SACS: variants seen among roughly 807,000 people sequenced by gnomAD.
SACS encodes sacsin molecular chaperone.
A neutral mutation model predicts 348.0 loss-of-function variants in SACS; 197 were observed. The ratio of observed to expected loss-of-function variants is 0.57; its 90% CI spans 0.50 to 0.64. SACS has a LOEUF of 0.64. SACS is among the 30% of genes least tolerant of loss of function. The pLI is 0.00. For synonymous variants in SACS, 1,985 were observed against 1,910.6 expected (o/e 1.04, Z -1.02); for missense variants, 4,999 against 5,360.8 (o/e 0.93, Z 2.11).
At chr13:23,412,357 TCACATGTGATGTGCC>T in intron 1 of SACS, among the ~76,000 whole-genome samples, 1 of 151,954 alleles carries the variant, frequency 6.6e-6, no homozygotes, top group Admixed American at 6.5e-5. Context: ...TGTGCTTCAC[TCACATGTGATGTGCC>T]TTTTTTCAGG....
In SACS at chr13:23,338,357, C is replaced by T. The variant is rs766776875; in HGVS notation, c.5519G>A (p.Arg1840Lys). Reference sequence around the variant, plus strand: ...TGCCCCACATGGAACCAGTCCTAGTCTTCTTCCACTCTCACTCAGGGAAAA... The same window carrying T: ...TGCCCCACATGGAACCAGTCCTAGTTTTCTTCCACTCTCACTCAGGGAAAA... Reference protein sequence around the residue: ...LKFSLSESGRRLGLVPCGAVG... With the variant: ...LKFSLSESGRKLGLVPCGAVG... The change falls in exon 10 of 10, where the codon AGA (arginine) becomes AAA (lysine). Residue 1840 changes from arginine (R) to lysine (K), a missense_variant. Coordinates refer to ENST00000382292, the MANE Select transcript of SACS (RefSeq NM_014363.6). 2 of 1,614,146 alleles carry T rather than the reference C, an allele frequency of 1.2e-6. No individual in the cohort carries two copies. The highest frequency in any genetic ancestry group is 8.5e-7 in the Non-Finnish European group (1 of 1,180,000).
At chr13:23,429,548 A>G (rs1874347554) in intron 1 of SACS, among the ~76,000 whole-genome samples, 1 of 151,680 alleles carries the variant, frequency 6.6e-6, no homozygotes, top group African/African-American at 2.4e-5. Context: ...TATTTTTAGT[A>G]GAGACGGGGT....
At chr13:23,352,530 T>C (rs960228016) in intron 9 of SACS, among the ~76,000 whole-genome samples, 22 of 152,210 alleles carry the variant, frequency 1.4e-4, no homozygotes, top group African/African-American at 4.6e-4. Context: ...TAGGTTTACA[T>C]GGGTATGTTC....
chr13:23,373,969 C>A, intron 3 of SACS: 1 of 152,422 alleles, frequency 6.6e-6, no homozygotes, highest in South Asian at 2.0e-4. Context: ...CCAGTCATGC[C>A]CCTCCACTGC....
At chr13:23,363,989 A>T (rs1870908647) in intron 6 of SACS, among the ~76,000 whole-genome samples, 1 of 152,128 alleles carries the variant, frequency 6.6e-6, no homozygotes, top group Non-Finnish European at 1.5e-5. Context: ...TATAAAAATG[A>T]TCTGACCTCT....
chr13:23,341,211 A>C lies in SACS; in HGVS notation c.2665T>G (p.Cys889Gly). 6.2e-7 allele frequency: 1 copy of C among 1,613,956 alleles called. No individual in the cohort carries two copies. The highest frequency in any genetic ancestry group is 8.5e-7 in the Non-Finnish European group (1 of 1,180,036). Reference protein sequence around the residue: ...IMEKMPLQKLCNQITSLLPTH... With the variant: ...IMEKMPLQKLGNQITSLLPTH... ...GGAAGTAGCGAAGTTATTTGATTAC[A>C]CAATTTCTGCAATGGCATCTTCTCC... The change falls in exon 10 of 10, where the codon TGT becomes GGT. Residue 889 changes from cysteine to glycine, a missense_variant. Physicochemically the swap from Cys to Gly is radical, Grantham distance 159. This residue lies in a region of SACS where 3,156 missense variants were observed against 3,380.1 expected (regional missense o/e 0.93). Transcript: ENST00000382292.
intron 6 of SACS, among the ~76,000 whole-genome samples, chr13:23,361,788 GAA>G (rs111262553): frequency 5.0e-5 from 7 of 140,126 alleles, no homozygotes; most frequent in African/African-American, 1.5e-4. Context: ...GAAAAAGAAG[GAA>G]AAAAAAAAAA....
intron 1 of SACS, among the ~76,000 whole-genome samples, chr13:23,430,221 TAATA>T (rs966738003): frequency 1.3e-5 from 2 of 151,658 alleles, no homozygotes; most frequent in Non-Finnish European, 2.9e-5. Context: ...AAAAAAAAAT[TAATA>T]AATAAAACTA....
At chr13:23,425,541 T>G (rs923714153) in intron 1 of SACS, among the ~76,000 whole-genome samples, 15 of 152,140 alleles carry the variant, frequency 9.9e-5, no homozygotes, top group African/African-American at 3.4e-4. Context: ...AGGCCTTATG[T>G]CCATGGTGGT....
chr13:23,382,687 G>T (rs918614939), intron 2 of SACS, among the ~76,000 whole-genome samples: 1 of 151,808 alleles, frequency 6.6e-6, no homozygotes, highest in Admixed American at 6.6e-5. Flanking sequence ...AACTATAATG[G>T]CTAAGTAATT....
At chr13:23,433,586 T>G (rs1427485308) in intron 1 of SACS, 29 bp downstream of exon 1, 1 of 152,464 alleles carries the variant, frequency 6.6e-6, no homozygotes. Context: ...CTGCCCTCGC[T>G]GGCCACCCAG....
chr13:23,391,768 C>T (rs1275707943), intron 2 of SACS, among the ~76,000 whole-genome samples: 5 of 151,766 alleles, frequency 3.3e-5, no homozygotes, highest in African/African-American at 1.2e-4. Context: ...ACAGTATGAT[C>T]GCCTATTCCA....
At position 23,375,200 on chromosome 13, in the gene SACS, G is replaced by A; in HGVS notation, c.90C>T (p.Thr30=). The change falls in exon 3 of 10, where the codon ACC becomes ACT. Residue 30 remains threonine (T), a synonymous_variant. Coordinates refer to ENST00000382292, the MANE Select transcript of SACS (RefSeq NM_014363.6). ...CRTVAALASW[T]VRDVKERIFA... Reference sequence around the variant, plus strand: ...AGATACGTTCCTTCACATCGCGCACGGTCCAGGACGCCAGCGCCGCGACGG... The same window carrying A: ...AGATACGTTCCTTCACATCGCGCACAGTCCAGGACGCCAGCGCCGCGACGG... The A allele has an allele frequency of 3.3e-6, 5 of 1,500,352 alleles. No homozygotes were observed. The highest frequency in any genetic ancestry group is 4.4e-6 in the Non-Finnish European group (5 of 1,124,394). The allele number at this position is 1,500,352 out of a possible 1,614,324, so 92.9% of individuals were successfully genotyped here. A position where few individuals can be genotyped will look rare whatever the true frequency, so the allele number is the denominator to read the frequency against.
At chr13:23,413,481 T>TCCAA (rs1297053226) in intron 1 of SACS, among the ~76,000 whole-genome samples, 1 of 152,132 alleles carries the variant, frequency 6.6e-6, no homozygotes, top group Non-Finnish European at 1.5e-5. Flanking sequence ...TTTCAGCCCA[T>TCCAA]CCAACCAGGA....
chr13:23,365,172 A>T lies in SACS; in HGVS notation c.451T>A (p.Tyr151Asn). Reference protein sequence around the residue: ...ETLWSKDMAPYQGPALYVYNN... With the variant: ...ETLWSKDMAPNQGPALYVYNN... The stretch of plus-strand genomic sequence containing the variant: ...CCTAATTATTGATTCTTACCCTGAT[A>T]TGGCGCCATATCTTTTGACCAAAGA... Residue 151 changes from tyrosine (Y) to asparagine (N), a missense_variant, in exon 6 of 10, where the codon TAT becomes AAT. Transcript: ENST00000382292. 6.2e-7 allele frequency: 1 copy of T among 1,603,978 alleles called. No individual in the cohort carries two copies.
chr13:23,409,040 CTTTT>C (rs1175897856), intron 2 of SACS, among the ~76,000 whole-genome samples: 27 of 35,142 alleles, frequency 7.7e-4, no homozygotes, highest in African/African-American at 2.6e-3. Flanking sequence ...ACAAGTTTTA[CTTTT>C]TTTTTTTTTT....
intron 2 of SACS, among the ~76,000 whole-genome samples, chr13:23,409,132 T>G (rs1365497716): frequency 2.3e-5 from 3 of 128,882 alleles, no homozygotes; most frequent in South Asian, 2.8e-4. Context: ...GGCTCACTGA[T>G]TGCAAGCTCC....
Position 23,354,952 on chromosome 13 carries a change from T to C in SACS, c.1660A>G (p.Ser554Gly), listed in dbSNP as rs762414597. 1.2e-6 allele frequency: 2 copies of C among 1,614,128 alleles called. No individual in the cohort carries two copies. Among genetic ancestry groups the C allele is most frequent in the Non-Finnish European group, 1.7e-6 (2 of 1,180,048 alleles). Residue 554 changes from serine to glycine, a missense_variant, in exon 8 of 10, where the codon AGC becomes GGC. Transcript: ENST00000382292. ...HWQPVLEPLFSELLQNAVIYS... is the reference protein window; with the variant it reads ...HWQPVLEPLFGELLQNAVIYS... ...ATCACTGCATTCTGCAACAGCTCGCTGAATAGAGGCTCTAACACCGGTTGC... is the reference window on the plus strand; with the variant it reads ...ATCACTGCATTCTGCAACAGCTCGCCGAATAGAGGCTCTAACACCGGTTGC...
In SACS at chr13:23,396,006, T is replaced by C. The variant is rs571864196; in HGVS notation, c.20+15214A>G. On this transcript the variant is annotated intron_variant, in intron 2 of 9. Coordinates refer to ENST00000382292, the MANE Select transcript of SACS (RefSeq NM_014363.6). The stretch of plus-strand genomic sequence containing the variant: ...ATCCCTTTAAGGATTTCTATTCACA[T>C]TGGCTTAGAGATAAATCAGAACTTA... Among the ~76,000 whole-genome samples, 21 of 152,298 alleles carry C rather than the reference T, an allele frequency of 1.4e-4. No individual in the cohort carries two copies. The East Asian group carries it at 3.7e-3, about 27-fold the overall frequency.
Sources: allele counts gnomAD v4.1 joint callset (sites outside exome capture counted in the v4.1 genomes callset), GRCh38; gene constraint gnomAD v4.1.1; regional missense constraint gnomAD v4.1.1; transcripts MANE v1.5; gene names NCBI Gene and HGNC (gene_info 2026-07-23, HGNC 2026-07-21).